Variants in RIOX2 observed in about 807,000 individuals in gnomAD.
The protein encoded by RIOX2 is 60S ribosomal protein L27a histidine hydroxylase.
A neutral mutation model predicts 51.2 loss-of-function variants in RIOX2; 43 were observed. The observed-to-expected ratio is 0.84, with a 90% CI of 0.66 to 1.08. The LOEUF is 1.08. Among genes scored for constraint, RIOX2 ranks in the 50% least tolerant of loss-of-function variants. The probability of loss-of-function intolerance (pLI) is 0.00; values close to 1 mark genes in which losing one functional copy is unlikely to be tolerated. For missense variants in RIOX2, 566 were observed against 561.7 expected (o/e 1.01, Z -0.08); for synonymous variants, 226 against 218.5 (o/e 1.03, Z -0.30).
At chr3:97,970,939 G>A (rs1706104351) in intron 1 of RIOX2, among the ~76,000 whole-genome samples, 1 of 152,294 alleles carries the variant, frequency 6.6e-6, no homozygotes, top group Middle Eastern at 3.4e-3. Flanking sequence ...GTATATCCCC[G>A]GAAACAAGCA....
intron 5 of RIOX2, among the ~76,000 whole-genome samples, chr3:97,953,232 C>T (rs9879532): frequency 0.45 from 68,774 of 151,950 alleles, 16,358 homozygotes; most frequent in East Asian, 0.69. Flanking sequence ...CTCTGCAAAC[C>T]TACAATAGAA....
intron 1 of RIOX2, among the ~76,000 whole-genome samples, chr3:97,969,223 GA>G (rs139175244): frequency 4.7e-5 from 7 of 148,526 alleles, no homozygotes; most frequent in Admixed American, 3.3e-4. Flanking sequence ...TTGAAGCTTA[GA>G]AAAAAAAAAT....
chr3:97,961,681 G>C lies in RIOX2; in HGVS notation c.460C>G (p.Leu154Val), dbSNP rs768681290. ...KDELWRIQEK[L>V]ECYFGSLVGS... ...ACCAAGGAGCCAAAGTAACATTCCA[G>C]CTTCTCCTGGATCCTCCAAAGCTCA... The change falls in exon 3 of 10, where the codon CTG becomes GTG. Residue 154 changes from leucine (L) to valine (V), a missense_variant. Transcript: ENST00000394198. The C allele has an allele frequency of 1.5e-5, 24 of 1,611,900 alleles. No homozygotes were observed. The South Asian group carries it at 2.0e-4, about 13-fold the overall frequency.
At chr3:97,959,319 T>G (rs534044405) in intron 3 of RIOX2, 140 bp from the exon 4 acceptor site, 15 of 838,986 alleles carry the variant, frequency 1.8e-5, no homozygotes, top group Middle Eastern at 3.9e-4. Flanking sequence ...TTTTTTTTTT[T>G]TTTTTTTTTT....
At position 97,942,233 on chromosome 3, in the gene RIOX2, T is replaced by A. The variant is rs1394760953; in HGVS notation, c.*2951A>T. ...TAAGATAAAAGGGACCTAATTCAACTTACTTTAGCAAACATACTACTGCCA... is the reference window on the plus strand; with the variant it reads ...TAAGATAAAAGGGACCTAATTCAACATACTTTAGCAAACATACTACTGCCA... On this transcript the variant is annotated 3_prime_UTR_variant, in exon 10 of 10. Coordinates refer to ENST00000394198, the MANE Select transcript of RIOX2 (RefSeq NM_153182.4). The A allele has an allele frequency of 6.5e-7, 1 of 1,536,042 alleles. No homozygotes were observed. Among genetic ancestry groups the A allele is most frequent in the African/African-American group, 1.4e-5 (1 of 72,902 alleles).
chr3:97,960,216 A>C (rs1294519203), intron 3 of RIOX2, among the ~76,000 whole-genome samples: 1 of 152,240 alleles, frequency 6.6e-6, no homozygotes, highest in Non-Finnish European at 1.5e-5. Flanking sequence ...CGTTACAAGA[A>C]AAAGTTGAAT....
At position 97,945,284 on chromosome 3, in the gene RIOX2, C is replaced by G; in HGVS notation, c.1298G>C (p.Ser433Thr). 6.2e-7 allele frequency: 1 copy of G among 1,612,586 alleles called. No homozygotes were observed. The highest frequency in any genetic ancestry group is 8.5e-7 in the Non-Finnish European group (1 of 1,179,004). The change falls in exon 10 of 10, where the codon AGT becomes ACT. Residue 433 changes from serine to threonine, a missense_variant. Coordinates refer to ENST00000394198, the MANE Select transcript of RIOX2 (RefSeq NM_153182.4). ...CAGGTCCTTGACAGAAATAGCTGGA[C>G]TATTCCAAATTTGCTTCAGTGCATC... is the stretch of plus-strand genomic sequence containing the variant. ...HLDALKQIWN[S>T]PAISVKDLKL...
At chr3:97,964,862 C>T (rs1047816347) in intron 2 of RIOX2, among the ~76,000 whole-genome samples, 1 of 152,054 alleles carries the variant, frequency 6.6e-6, no homozygotes, top group African/African-American at 2.4e-5. Flanking sequence ...GATAATTCCT[C>T]TCACCAGGAC....
At chr3:97,945,380 C>T in intron 9 of RIOX2, 38 bp from the exon 10 acceptor site, 1 of 1,542,074 alleles carries the variant, frequency 6.5e-7, no homozygotes. Flanking sequence ...TATATGTATA[C>T]TACTTATGTC....
At chr3:97,945,385 T>A in intron 9 of RIOX2, 43 bp from the exon 10 acceptor site, 4 of 1,533,386 alleles carry the variant, frequency 2.6e-6, no homozygotes, top group Non-Finnish European at 3.5e-6. Flanking sequence ...GTATACTACT[T>A]ATGTCATTGA....
intron 5 of RIOX2, chr3:97,951,315 G>A (rs905710736): frequency 1.2e-5 from 2 of 165,314 alleles, no homozygotes; most frequent in Non-Finnish European, 2.6e-5. Flanking sequence ...CAAATTTGGG[G>A]TAACAGCAAG....
intron 8 of RIOX2, among the ~76,000 whole-genome samples, chr3:97,946,216 T>C (rs1380144518): frequency 6.6e-6 from 1 of 152,102 alleles, no homozygotes; most frequent in African/African-American, 2.4e-5. Flanking sequence ...TATCAACTTA[T>C]CAATGAAATC....
rs756530702 is a variant in RIOX2, at chr3:97,967,523, AACTTCATC to A, written c.63_70del (p.Gln21HisfsTer13). 981 of 1,614,126 alleles carry A rather than the reference AACTTCATC, an allele frequency of 6.1e-4. 1 individual carries two copies. Among genetic ancestry groups the A allele is most frequent in the Non-Finnish European group, 8.0e-4 (943 of 1,180,016 alleles). The stretch of plus-strand genomic sequence containing the variant: ...AGCTGAAGGCCCCCCAGCTGCTTCT[AACTTCATC>A]TGCTTACAGGGAGCCGGCCCCTCTT... On this transcript the variant is annotated frameshift_variant, in exon 2 of 10. Transcript: ENST00000394198. LOFTEE classifies it high-confidence loss of function.
intron 5 of RIOX2, 171 bp from the exon 6 acceptor site, chr3:97,951,059 C>A (rs532652619): frequency 5.3e-6 from 3 of 567,690 alleles, no homozygotes; most frequent in Middle Eastern, 3.8e-4. Context: ...AAATCTAAGA[C>A]CTTCATCAAC....
Position 97,959,075 on chromosome 3 carries a change from C to T in RIOX2, c.657G>A (p.Arg219=), listed in dbSNP as rs775857805. Residue 219 remains arginine, a synonymous_variant, in exon 4 of 10, where the codon AGG becomes AGA. Transcript: ENST00000394198. ...YSVEAEERIG[R]PVHEFMLKPG... The stretch of plus-strand genomic sequence containing the variant: ...CCTTCAGCATAAACTCATGCACCGG[C>T]CTGCCGATCCTTTCCTCGGCCTCCA... 1.9e-6 allele frequency: 3 copies of T among 1,613,498 alleles called. No individual in the cohort carries two copies. The highest frequency in any genetic ancestry group is 2.2e-5 in the South Asian group (2 of 90,960).
intron 7 of RIOX2, among the ~76,000 whole-genome samples, chr3:97,949,187 T>A (rs1705136858): frequency 6.6e-6 from 1 of 152,150 alleles, no homozygotes; most frequent in Non-Finnish European, 1.5e-5. Flanking sequence ...AGATCCCTCA[T>A]GAATAGATAA....
Position 97,949,839 on chromosome 3 carries a change from T to TGGTGTTGACAGCTCTGCC in RIOX2, c.1060+4_1060+5insGGCAGAGCTGTCAACACC, listed in dbSNP as rs745312308. On this transcript the variant is annotated splice_donor_region_variant and intron_variant, in intron 7 of 9. Transcript: ENST00000394198. ...GACCACCCAGAAGAAAACAGCAAGC[T>TGGTGTTGACAGCTCTGCC]CCACCTGGTGTTGACAGCTCTGCCC... 35 of 1,612,242 alleles carry TGGTGTTGACAGCTCTGCC rather than the reference T, an allele frequency of 2.2e-5. No homozygotes were observed. In the East Asian group the frequency reaches 7.4e-4, roughly 34 times the overall value.
intron 1 of RIOX2, 69 bp from the exon 2 acceptor site, chr3:97,967,701 G>A (rs1218142220): frequency 3.2e-5 from 35 of 1,091,790 alleles, no homozygotes; most frequent in Non-Finnish European, 3.8e-5. Context: ...AGTGGATCGC[G>A]CGCACACACA....
chr3:97,949,877 A>G lies in RIOX2; in HGVS notation c.1027T>C (p.Ser343Pro), dbSNP rs148371353. ...GACAGCTCTGCCCCATCTCCCGCAG[A>G]GTAAGGGGGGAGTCTGTGCATAATA... Reference protein sequence around the residue: ...DFIMHRLPPYSAGDGAELSTP... With the variant: ...DFIMHRLPPYPAGDGAELSTP... Residue 343 changes from serine (S) to proline (P), a missense_variant, in exon 7 of 10, where the codon TCT (serine) becomes CCT (proline). Transcript: ENST00000394198. 2.1e-4 allele frequency: 332 copies of G among 1,613,852 alleles called. 1 individual carries two copies. The highest frequency in any genetic ancestry group is 1.2e-4 in the Non-Finnish European group (141 of 1,179,914).
Sources: allele counts gnomAD v4.1 joint callset (sites outside exome capture counted in the v4.1 genomes callset), GRCh38; gene constraint gnomAD v4.1.1; transcripts MANE v1.5; gene names NCBI Gene and HGNC (gene_info 2026-07-23, HGNC 2026-07-21).